Variants in SLC35C1 observed in about 807,000 individuals in gnomAD.
The protein encoded by SLC35C1 is solute carrier family 35 member C1, also known as GDP-fucose transporter 1.
Under a neutral mutation model 23.2 loss-of-function variants are expected in SLC35C1, and 8 were observed. The observed-to-expected ratio is 0.35, with a 90% confidence interval of 0.20 to 0.62. SLC35C1 has a LOEUF of 0.62. Ranked by LOEUF, SLC35C1 falls within the 20% of genes least tolerant of loss-of-function variation. The pLI is 0.75. For synonymous variants in SLC35C1, 226 were observed against 225.1 expected, an observed-to-expected ratio of 1.00 and a Z score of -0.04; for missense variants, 422 against 478.6, an observed-to-expected ratio of 0.88 and a Z score of 1.10.
At position 45,811,015 on chromosome 11, in the gene SLC35C1, G is replaced by A; in HGVS notation, c.775G>A (p.Ala259Thr). The A allele has an allele frequency of 6.2e-7, 1 of 1,612,858 alleles. No individual in the cohort carries two copies. Among genetic ancestry groups the A allele is most frequent in the Non-Finnish European group, 8.5e-7 (1 of 1,180,026 alleles). ...GGAGCTTCAGGCCCTGCGTGACTTT[G>A]CCCAGCTGGGCAGTGCCCACTTCTG... ...LGELQALRDF[A>T]QLGSAHFWGM... Residue 259 changes from alanine (A) to threonine (T), a missense_variant, in exon 2 of 2, where the codon GCC becomes ACC. Physicochemically the swap from Ala to Thr is moderately conservative, Grantham distance 58. Coordinates refer to ENST00000314134, the MANE Select transcript of SLC35C1 (RefSeq NM_018389.5).
chr11:45,812,604 C>A lies in SLC35C1; in HGVS notation c.*1269C>A. ...GGTAGAAGCACAAACAAGCAAGCTC[C>A]TTCCTGCCTCTTTTATAAGGACTCC... On this transcript the variant is annotated 3_prime_UTR_variant, in exon 2 of 2. Transcript: ENST00000314134. 2.2e-6 allele frequency: 1 copy of A among 456,072 alleles called. No homozygotes were observed. The highest frequency in any genetic ancestry group is 1.5e-5 in the South Asian group (1 of 64,566). 28.3% of individuals were successfully genotyped at this position (456,072 alleles called of 1,614,324 possible). A position where few individuals can be genotyped will look rare whatever the true frequency, so the allele number is the denominator to read the frequency against.
intron 1 of SLC35C1, among the ~76,000 whole-genome samples, chr11:45,808,639 C>T (rs909204321): frequency 6.6e-6 from 1 of 152,204 alleles, no homozygotes; most frequent in Non-Finnish European, 1.5e-5. Flanking sequence ...CTCTGCCCCC[C>T]TCACCCTACC....
upstream of SLC35C1, chr11:45,804,597 A>G (rs906690279): frequency 5.1e-6 from 5 of 985,614 alleles, no homozygotes; most frequent in Non-Finnish European, 6.0e-6. Flanking sequence ...AGGGAGGACA[A>G]ACTGAAGTCC....
At chr11:45,809,789 A>G in intron 1 of SLC35C1, 1 of 985,466 alleles carries the variant, frequency 1.0e-6, no homozygotes, top group Non-Finnish European at 1.2e-6. Flanking sequence ...GGCAGGAAGT[A>G]TAACATGCAT....
intron 1 of SLC35C1, chr11:45,810,183 A>G (rs1286623856): frequency 2.0e-6 from 2 of 985,316 alleles, no homozygotes; most frequent in African/African-American, 3.5e-5. Context: ...AAGCTCTTTG[A>G]GCAGGAAGTG....
Position 45,811,659 on chromosome 11 carries a change from G to C in SLC35C1, c.*324G>C. The stretch of plus-strand genomic sequence containing the variant: ...TTCCTTCTGCCTCCAGGGCCTGTCT[G>C]CCTCCACATCACTCTGAGGACAGGG... On this transcript the variant is annotated 3_prime_UTR_variant, in exon 2 of 2. Transcript: ENST00000314134. The C allele has an allele frequency of 7.4e-6, 2 of 269,922 alleles. 1 individual carries two copies. Among genetic ancestry groups the C allele is most frequent in the Non-Finnish European group, 1.4e-5 (2 of 141,892 alleles). The allele number at this position is 269,922 out of a possible 1,614,324, so 16.7% of individuals were successfully genotyped here.
At position 45,809,867 on chromosome 11, in the gene SLC35C1, G is replaced by T. The variant is rs1375316572; in HGVS notation, c.536-909G>T. On this transcript the variant is annotated intron_variant, in intron 1 of 1. Coordinates refer to ENST00000314134, the MANE Select transcript of SLC35C1 (RefSeq NM_018389.5). ...AGACCAGACTGTCACCATGGGCAGG[G>T]GCCCAGCAGCCCAGAGCAGGCAAGG... 4.1e-6 allele frequency: 4 copies of T among 985,310 alleles called. No individual in the cohort carries two copies. In the African/African-American group the frequency reaches 7.0e-5, roughly 17 times the overall value. 61.0% of individuals were successfully genotyped at this position (985,310 alleles called of 1,614,324 possible). A position where few individuals can be genotyped will look rare whatever the true frequency, so the allele number is the denominator to read the frequency against.
chr11:45,806,409 G>A, intron 1 of SLC35C1, 73 bp downstream of exon 1: 1 of 1,550,564 alleles, frequency 6.4e-7, no homozygotes, highest in Admixed American at 1.8e-5. Flanking sequence ...ACTCTTCTAG[G>A]CATCCTAGGA....
intron 1 of SLC35C1, among the ~76,000 whole-genome samples, chr11:45,807,943 G>A (rs2085894948): frequency 6.6e-6 from 1 of 152,156 alleles, no homozygotes; most frequent in Admixed American, 6.5e-5. Flanking sequence ...GAATTTGCTT[G>A]CAGGAAGGTG....
intron 1 of SLC35C1, among the ~76,000 whole-genome samples, chr11:45,808,587 C>T (rs2085902406): frequency 6.6e-6 from 1 of 152,226 alleles, no homozygotes; most frequent in Non-Finnish European, 1.5e-5. Context: ...ACCAGGAGGG[C>T]TAGGGGTGCT....
Position 45,806,240 on chromosome 11 carries a change from C to T in SLC35C1, c.439C>T (p.Arg147Cys), listed in dbSNP as rs28939087. 2 of 1,608,540 alleles carry T rather than the reference C, an allele frequency of 1.2e-6. No homozygotes were observed. Among genetic ancestry groups the T allele is most frequent in the Non-Finnish European group, 1.7e-6 (2 of 1,179,996 alleles). The part of the protein sequence containing the change: ...YVGVAFYNVG[R>C]SLTTVFNVLL... ...CGGTGTGGCCTTCTACAATGTGGGC[C>T]GCTCACTCACCACCGTCTTCAACGT... The change falls in exon 1 of 2, where the codon CGC becomes TGC. Residue 147 changes from arginine to cysteine, a missense_variant. By Grantham distance (180) the Arg-to-Cys change is radical. Transcript: ENST00000314134.
At chr11:45,808,241 T>C (rs1317496967) in intron 1 of SLC35C1, among the ~76,000 whole-genome samples, 3 of 152,180 alleles carry the variant, frequency 2.0e-5, no homozygotes, top group Non-Finnish European at 4.4e-5. Flanking sequence ...GGCTCATGCC[T>C]GTAATCCCAG....
At position 45,811,343 on chromosome 11, in the gene SLC35C1, A is replaced by C; in HGVS notation, c.*8A>C. 6.7e-7 allele frequency: 1 copy of C among 1,499,254 alleles called. No homozygotes were observed. The highest frequency in any genetic ancestry group is 8.8e-7 in the Non-Finnish European group (1 of 1,134,964). The allele number at this position is 1,499,254 out of a possible 1,614,324, so 92.9% of individuals were successfully genotyped here. On this transcript the variant is annotated 3_prime_UTR_variant, in exon 2 of 2. Coordinates refer to ENST00000314134, the MANE Select transcript of SLC35C1 (RefSeq NM_018389.5). ...AGCGCCATGGGGGTGTGAGCACCAC[A>C]GGCACCCTGGATGGCCCGGCCCCGG...
At position 45,811,261 on chromosome 11, in the gene SLC35C1, A is replaced by G; in HGVS notation, c.1021A>G (p.Arg341Gly). 2 of 1,586,660 alleles carry G rather than the reference A, an allele frequency of 1.3e-6. No individual in the cohort carries two copies. The highest frequency in any genetic ancestry group is 1.1e-5 in the South Asian group (1 of 89,460). The change falls in exon 2 of 2, where the codon AGG becomes GGG. Residue 341 changes from arginine to glycine, a missense_variant. Transcript: ENST00000314134. ...CGGCTCCTCCGCCTACACCTGGGTCAGGGGCTGGGAGATGAAGAAGACTCC... is the reference window on the plus strand; with the variant it reads ...CGGCTCCTCCGCCTACACCTGGGTCGGGGGCTGGGAGATGAAGAAGACTCC... ...LGGSSAYTWVRGWEMKKTPEE... is the reference protein window; with the variant it reads ...LGGSSAYTWVGGWEMKKTPEE...
chr11:45,810,220 T>G (rs1000969007), intron 1 of SLC35C1: 19 of 985,340 alleles, frequency 1.9e-5, no homozygotes, highest in Non-Finnish European at 2.3e-5. Flanking sequence ...TCAGAGTCAC[T>G]GCCCCAAATG....
chr11:45,805,983 AC>A lies in SLC35C1; in HGVS notation c.184del (p.Leu62CysfsTer22). On this transcript the variant is annotated frameshift_variant, in exon 1 of 2. Transcript: ENST00000314134. LOFTEE classifies it high-confidence loss of function. ...TSISMVFLNK[Y>X]LLDSPSLRLD... ...ATCTCCATGGTGTTCCTTAATAAGT[AC>A]CTGCTGGACAGCCCCTCCCTGCGGC... is the stretch of plus-strand genomic sequence containing the variant. The A allele has an allele frequency of 1.2e-6, 2 of 1,613,934 alleles. No homozygotes were observed. Among genetic ancestry groups the A allele is most frequent in the Non-Finnish European group, 1.7e-6 (2 of 1,179,976 alleles).
rs180928082 is a variant in SLC35C1, at chr11:45,806,485, G to C, written c.535+149G>C. On this transcript the variant is annotated intron_variant, in intron 1 of 1. Transcript: ENST00000314134. ...GAAAGAGCCTGGGGGCACAGAGAGAGCAAGTAACTTACTAAAGGTCACCCA... is the reference window on the plus strand; with the variant it reads ...GAAAGAGCCTGGGGGCACAGAGAGACCAAGTAACTTACTAAAGGTCACCCA... 3.1e-4 allele frequency: 351 copies of C among 1,131,284 alleles called. 2 individuals carry two copies. The highest frequency in any genetic ancestry group is 1.2e-4 in the Non-Finnish European group (97 of 783,796). 70.1% of individuals were successfully genotyped at this position (1,131,284 alleles called of 1,614,324 possible).
chr11:45,810,703 T>C, intron 1 of SLC35C1, 73 bp from the exon 2 acceptor site: 2 of 1,544,272 alleles, frequency 1.3e-6, no homozygotes, highest in Non-Finnish European at 1.7e-6. Context: ...TGGTGTCTGA[T>C]CCTCTGTCCT....
intron 1 of SLC35C1, among the ~76,000 whole-genome samples, chr11:45,808,621 G>A (rs2085902752): frequency 1.3e-5 from 2 of 152,214 alleles, no homozygotes; most frequent in African/African-American, 2.4e-5. Context: ...TGAGTGGGTG[G>A]TGCAGCCCTC....
Sources: gnomAD v4.1 joint callset for allele counts (sites outside exome capture counted in the v4.1 genomes callset) on GRCh38, gnomAD v4.1.1 for gene constraint, MANE v1.5 for transcripts, NCBI Gene and HGNC (gene_info 2026-07-23, HGNC 2026-07-21) for gene names.